IST1: variants seen among roughly 807,000 people sequenced by gnomAD.
IST1 encodes the protein IST1 homolog.
Under a neutral mutation model 37.0 loss-of-function variants are expected in IST1, and 23 were observed. The ratio of observed to expected loss-of-function variants is 0.62; its 90% CI spans 0.45 to 0.88. IST1 has a LOEUF of 0.88. Among genes scored for constraint, IST1 ranks in the 40% least tolerant of loss-of-function variants. The pLI, the probability that IST1 is intolerant of heterozygous loss-of-function variation, is 0.00. For missense variants in IST1, 488 were observed against 445.4 expected (o/e 1.10, Z -0.86); for synonymous variants, 180 against 161.7 (o/e 1.11, Z -0.86).
chr16:71,901,770 A>G (rs1201497783), intron 1 of IST1, among the ~76,000 whole-genome samples: 3 of 152,220 alleles, frequency 2.0e-5, no homozygotes, highest in East Asian at 3.8e-4. Context: ...TTTTAAAAGC[A>G]TGTGGTTTTT....
chr16:71,904,809 A>G (rs1037127672), intron 1 of IST1, among the ~76,000 whole-genome samples: 2 of 152,210 alleles, frequency 1.3e-5, no homozygotes, highest in Non-Finnish European at 2.9e-5. Context: ...TGTTGACAGT[A>G]TATAGTGGAT....
intron 6 of IST1, among the ~76,000 whole-genome samples, chr16:71,921,929 A>G (rs1330379390): frequency 6.6e-6 from 1 of 152,176 alleles, no homozygotes; most frequent in Non-Finnish European, 1.5e-5. Flanking sequence ...CAAGGTCAGG[A>G]GATCGAGACC....
chr16:71,905,645 G>T (rs2037207394), intron 1 of IST1, among the ~76,000 whole-genome samples: 1 of 152,190 alleles, frequency 6.6e-6, no homozygotes, highest in African/African-American at 2.4e-5. Flanking sequence ...CTTCCAAAGT[G>T]CTGGGATTAC....
At chr16:71,924,725 T>A in intron 8 of IST1, 44 bp from the exon 9 acceptor site, 1 of 1,460,996 alleles carries the variant, frequency 6.8e-7, no homozygotes, top group Non-Finnish European at 9.6e-7. Context: ...CTTTCTCCAG[T>A]GACACTATTG....
At chr16:71,899,668 G>A (rs1177969876) in intron 1 of IST1, among the ~76,000 whole-genome samples, 1 of 151,952 alleles carries the variant, frequency 6.6e-6, no homozygotes, top group Non-Finnish European at 1.5e-5. Flanking sequence ...CTGAGGTCAG[G>A]AGTTTGAGAC....
chr16:71,908,912 C>T (rs960871332), intron 1 of IST1, among the ~76,000 whole-genome samples: 1 of 152,234 alleles, frequency 6.6e-6, no homozygotes, highest in Middle Eastern at 3.4e-3. Flanking sequence ...TCTCAGATAG[C>T]TGCTACATGC....
At chr16:71,910,458 T>A (rs1041941918) in intron 1 of IST1, among the ~76,000 whole-genome samples, 1 of 151,806 alleles carries the variant, frequency 6.6e-6, no homozygotes, top group Non-Finnish European at 1.5e-5. Flanking sequence ...TATAAAAAAT[T>A]AGCTGGGTGT....
intron 1 of IST1, among the ~76,000 whole-genome samples, chr16:71,909,878 C>G (rs1834033): frequency 0.33 from 50,700 of 152,072 alleles, 9,099 homozygotes; most frequent in East Asian, 0.65. Flanking sequence ...GAGCCATACT[C>G]AGGAATATTT....
rs780013191 is a variant in IST1, at chr16:71,929,685, A to T, written c.*1872A>T. The T allele has an allele frequency of 2.6e-6, 4 of 1,528,516 alleles. No individual in the cohort carries two copies. Among genetic ancestry groups the T allele is most frequent in the Non-Finnish European group, 3.5e-6 (4 of 1,138,448 alleles). 94.7% of individuals were successfully genotyped at this position (1,528,516 alleles called of 1,614,324 possible). On this transcript the variant is annotated 3_prime_UTR_variant, in exon 10 of 10. Transcript: ENST00000378799. ...CTATTAGTGCAGCTTCTTTCTGAGT[A>T]TTGAAGACAAAAAGAGAAAAGTGAG...
At chr16:71,911,102 G>A (rs971860538) in intron 1 of IST1, among the ~76,000 whole-genome samples, 1 of 152,080 alleles carries the variant, frequency 6.6e-6, no homozygotes, top group African/African-American at 2.4e-5. Flanking sequence ...TTAGCTAGGC[G>A]TGGTGGTGTG....
chr16:71,898,964 CAAAAA>C (rs10711796), intron 1 of IST1, among the ~76,000 whole-genome samples: 8 of 110,304 alleles, frequency 7.3e-5, no homozygotes, highest in African/African-American at 1.3e-4. Context: ...GCCTCTATCT[CAAAAA>C]AAAAAAAAAA....
chr16:71,900,363 C>T (rs1051571473), intron 1 of IST1, among the ~76,000 whole-genome samples: 5 of 111,326 alleles, frequency 4.5e-5, no homozygotes, highest in African/African-American at 1.9e-4. Context: ...CTACTTTTAG[C>T]TGCTACTACT....
At chr16:71,901,011 A>G (rs990184512) in intron 1 of IST1, among the ~76,000 whole-genome samples, 1 of 152,236 alleles carries the variant, frequency 6.6e-6, no homozygotes, top group Non-Finnish European at 1.5e-5. Flanking sequence ...TGTGATGTGT[A>G]TATAATCACA....
At chr16:71,903,759 C>G (rs537758671) in intron 1 of IST1, 1 of 152,290 alleles carries the variant, frequency 6.6e-6, no homozygotes, top group South Asian at 2.1e-4. Context: ...CATGAATGTT[C>G]TAGTACACTG....
chr16:71,924,184 ATCT>A (rs2037682031), intron 8 of IST1: 3 of 455,856 alleles, frequency 6.6e-6, no homozygotes, highest in Non-Finnish European at 1.3e-5. Flanking sequence ...GAGGTCGAAA[ATCT>A]TCATCAGTAT....
chr16:71,928,141 A>T lies in IST1; in HGVS notation c.*328A>T, dbSNP rs1462317023. The T allele has an allele frequency of 2.9e-6, 1 of 339,580 alleles. No homozygotes were observed. The highest frequency in any genetic ancestry group is 5.6e-6 in the Non-Finnish European group (1 of 177,632). 21.0% of individuals were successfully genotyped at this position (339,580 alleles called of 1,614,324 possible). On this transcript the variant is annotated 3_prime_UTR_variant, in exon 10 of 10. Coordinates refer to ENST00000378799, the MANE Select transcript of IST1 (RefSeq NM_001270975.2). ...GAGAGGATGGGGGAAGCACTGTGGG[A>T]AGACCACCAAAGATGGCTGGACAGT...
chr16:71,899,044 G>C lies in IST1; in HGVS notation c.-16+3455G>C, dbSNP rs2037043363. Among the ~76,000 whole-genome samples, 3 of 150,884 alleles carry C rather than the reference G, an allele frequency of 2.0e-5. No homozygotes were observed. The South Asian group carries it at 6.3e-4, about 31-fold the overall frequency. Reference sequence around the variant, plus strand: ...ATAATGTTTTTATCTCAATTTTATTGAGAACAAGATGAAGATACTTTCTTT... The same window carrying C: ...ATAATGTTTTTATCTCAATTTTATTCAGAACAAGATGAAGATACTTTCTTT... On this transcript the variant is annotated intron_variant, in intron 1 of 9. Coordinates refer to ENST00000378799, the MANE Select transcript of IST1 (RefSeq NM_001270975.2).
chr16:71,921,668 C>G, intron 6 of IST1: 1 of 481,740 alleles, frequency 2.1e-6, no homozygotes, highest in South Asian at 2.8e-5. Context: ...AACCTTGATA[C>G]AAATGTAAAA....
At chr16:71,897,647 A>C (rs1286663419) in intron 1 of IST1, among the ~76,000 whole-genome samples, 1 of 152,196 alleles carries the variant, frequency 6.6e-6, no homozygotes, top group Non-Finnish European at 1.5e-5. Flanking sequence ...TTGGTAAGAA[A>C]ATTCTTATTG....
Sources: allele counts gnomAD v4.1 joint callset (sites outside exome capture counted in the v4.1 genomes callset), GRCh38; gene constraint gnomAD v4.1.1; transcripts MANE v1.5; gene names NCBI Gene and HGNC (gene_info 2026-07-23, HGNC 2026-07-21).